Variants in CLMN observed in about 807,000 individuals in gnomAD.
The protein encoded by CLMN is calmin.
In CLMN, 57 loss-of-function variants were observed where a neutral mutation model predicts 92.7. The observed-to-expected ratio is 0.61, with a 90% CI of 0.50 to 0.77. The LOEUF is 0.77. CLMN is among the 30% of genes least tolerant of loss of function. The pLI is 0.00. For synonymous variants in CLMN, 466 were observed against 470.6 expected, an observed-to-expected ratio of 0.99 and a Z score of 0.13; for missense variants, 1,158 against 1,237.5, an observed-to-expected ratio of 0.94 and a Z score of 0.96.
At chr14:95,304,891 T>G (rs1056297935) in intron 1 of CLMN, among the ~76,000 whole-genome samples, 1 of 151,910 alleles carries the variant, frequency 6.6e-6, no homozygotes, top group African/African-American at 2.4e-5. Context: ...CTAAAGATAC[T>G]GGCATGGGGG....
At position 95,223,851 on chromosome 14, in the gene CLMN, T is replaced by G. The variant is rs758679603; in HGVS notation, c.149A>C (p.Asn50Thr). The G allele has an allele frequency of 7.1e-5, 115 of 1,610,422 alleles. No individual in the cohort carries two copies. Among genetic ancestry groups the G allele is most frequent in the Non-Finnish European group, 9.4e-5 (111 of 1,178,746 alleles). Reference protein sequence around the residue: ...RWINLHLEKCNPPLEVKDLFV... With the variant: ...RWINLHLEKCTPPLEVKDLFV... ...TAAATCTTTAACTTCTAGAGGTGGGTTGCACTTTGAAAGAGAAGGGAAGAA... is the reference window on the plus strand; with the variant it reads ...TAAATCTTTAACTTCTAGAGGTGGGGTGCACTTTGAAAGAGAAGGGAAGAA... The change falls in exon 3 of 13, where the codon AAC becomes ACC. Residue 50 changes from asparagine to threonine, a missense_variant. Asn to Thr is a moderately conservative substitution (Grantham distance 65). Coordinates refer to ENST00000298912, the MANE Select transcript of CLMN (RefSeq NM_024734.4).
intron 1 of CLMN, among the ~76,000 whole-genome samples, chr14:95,261,343 C>T (rs954878971): frequency 2.0e-5 from 3 of 152,232 alleles, no homozygotes; most frequent in Non-Finnish European, 4.4e-5. Flanking sequence ...TGCCGCTTTG[C>T]GCACCTCCGT....
At chr14:95,210,645 T>C (rs1897169783) in intron 7 of CLMN, 41 bp downstream of exon 7, 1 of 1,568,228 alleles carries the variant, frequency 6.4e-7, no homozygotes, top group South Asian at 1.2e-5. Flanking sequence ...GGTACATTTG[T>C]AAAAAAAAAT....
intron 1 of CLMN, among the ~76,000 whole-genome samples, chr14:95,254,443 C>G (rs752362670): frequency 1.3e-5 from 2 of 152,202 alleles, no homozygotes; most frequent in Non-Finnish European, 2.9e-5. Flanking sequence ...ATTCATAAAG[C>G]TCTGCACCCA....
At chr14:95,273,769 C>G (rs1899808866) in intron 1 of CLMN, among the ~76,000 whole-genome samples, 1 of 152,198 alleles carries the variant, frequency 6.6e-6, no homozygotes, top group Non-Finnish European at 1.5e-5. Context: ...CCCTTCCGTG[C>G]CTGAGTGTCT....
intron 1 of CLMN, among the ~76,000 whole-genome samples, chr14:95,253,836 G>C (rs934074575): frequency 6.6e-6 from 1 of 151,958 alleles, no homozygotes; most frequent in South Asian, 2.1e-4. Context: ...GGATGGTCTC[G>C]ATCTCCTGAC....
chr14:95,226,832 G>A (rs2140627854), intron 2 of CLMN, among the ~76,000 whole-genome samples: 1 of 152,278 alleles, frequency 6.6e-6, no homozygotes, highest in Admixed American at 6.5e-5. Context: ...TCCTGCCTTG[G>A]CCTCCCAAAG....
Position 95,203,589 on chromosome 14 carries a change from T to C in CLMN, c.1760A>G (p.His587Arg), listed in dbSNP as rs1312616994. The C allele has an allele frequency of 6.2e-7, 1 of 1,614,184 alleles. No individual in the cohort carries two copies. The highest frequency in any genetic ancestry group is 2.2e-5 in the East Asian group (1 of 44,894). The change falls in exon 9 of 13, where the codon CAT (histidine) becomes CGT (arginine). Residue 587 changes from histidine (H) to arginine (R), a missense_variant. By Grantham distance (29) the His-to-Arg change is conservative. Coordinates refer to ENST00000298912, the MANE Select transcript of CLMN (RefSeq NM_024734.4). ...AGCATCCTCGTCAGGTTTTGTCTCATGAGGTGAAGGAACTTTGTTGAAAGC... is the reference window on the plus strand; with the variant it reads ...AGCATCCTCGTCAGGTTTTGTCTCACGAGGTGAAGGAACTTTGTTGAAAGC... Reference protein sequence around the residue: ...SQAFNKVPSPHETKPDEDAEA... With the variant: ...SQAFNKVPSPRETKPDEDAEA...
chr14:95,283,391 C>T (rs960820302), intron 1 of CLMN, among the ~76,000 whole-genome samples: 1 of 152,096 alleles, frequency 6.6e-6, no homozygotes, highest in African/African-American at 2.4e-5. Flanking sequence ...GAAAAATGAA[C>T]TAATACAGTA....
chr14:95,272,603 A>G (rs564104473), intron 1 of CLMN, among the ~76,000 whole-genome samples: 12 of 152,348 alleles, frequency 7.9e-5, no homozygotes, highest in African/African-American at 2.6e-4. Flanking sequence ...ATTTAGTACG[A>G]CAATACACCA....
chr14:95,241,197 C>T (rs1366954542), intron 1 of CLMN, among the ~76,000 whole-genome samples: 2 of 151,928 alleles, frequency 1.3e-5, no homozygotes, highest in Non-Finnish European at 2.9e-5. Flanking sequence ...TTTTTAAGTG[C>T]ATGGAAAGGC....
chr14:95,277,231 T>A (rs370380101), intron 1 of CLMN, among the ~76,000 whole-genome samples: 117 of 152,242 alleles, frequency 7.7e-4, no homozygotes, highest in Non-Finnish European at 1.1e-3. Context: ...CTTGTCTTTG[T>A]GTGTCACTCT....
chr14:95,290,657 C>A (rs186275920), intron 1 of CLMN, among the ~76,000 whole-genome samples: 24 of 152,316 alleles, frequency 1.6e-4, no homozygotes, highest in South Asian at 4.1e-4. Context: ...TTGAATTTAG[C>A]CCAGTGAGAC....
intron 1 of CLMN, among the ~76,000 whole-genome samples, chr14:95,245,724 G>A (rs866648602): frequency 3.5e-4 from 49 of 140,536 alleles, no homozygotes; most frequent in African/African-American, 1.2e-3. Context: ...GGATGGATAG[G>A]TGGATGGATA....
At chr14:95,280,247 T>C (rs925038072) in intron 1 of CLMN, among the ~76,000 whole-genome samples, 9 of 152,228 alleles carry the variant, frequency 5.9e-5, no homozygotes, top group Non-Finnish European at 1.2e-4. Flanking sequence ...AATATTACCT[T>C]ATGGTCAAAC....
chr14:95,210,923 A>G, intron 6 of CLMN, 44 bp from the exon 7 acceptor site: 1 of 1,481,420 alleles, frequency 6.8e-7, no homozygotes, highest in African/African-American at 1.5e-5. Context: ...TGGTTAGTAA[A>G]CAGACTCAAA....
Position 95,194,412 on chromosome 14 carries a change from T to G in CLMN, c.2769+124A>C. The G allele has an allele frequency of 6.4e-7, 1 of 1,553,096 alleles. No individual in the cohort carries two copies. The highest frequency in any genetic ancestry group is 8.7e-7 in the Non-Finnish European group (1 of 1,148,458). ...ATGATAAGGTTCCAATCTGCTTGTC[T>G]TCTATCCAAAAGTATAGCTGTTGCA... On this transcript the variant is annotated intron_variant, in intron 11 of 12. Transcript: ENST00000298912. The surrounding 1 kb of genome is among the most constrained non-coding windows in gnomAD (Gnocchi z 4.0).
intron 9 of CLMN, among the ~76,000 whole-genome samples, chr14:95,200,899 G>A (rs1470935366): frequency 6.6e-6 from 1 of 151,588 alleles, no homozygotes; most frequent in Admixed American, 6.6e-5. Context: ...ACAGGCTAGT[G>A]TTCACTAAGT....
intron 8 of CLMN, 99 bp downstream of exon 8, chr14:95,209,296 A>C: frequency 5.8e-6 from 6 of 1,040,596 alleles, no homozygotes; most frequent in Middle Eastern, 2.0e-4. Flanking sequence ...TTTGACTGCT[A>C]GTTACACAGA....
Sources: gnomAD v4.1 joint callset for allele counts (sites outside exome capture counted in the v4.1 genomes callset) on GRCh38, gnomAD v4.1.1 for gene constraint, Gnocchi (gnomAD v3.1) non-coding constraint, MANE v1.5 for transcripts, NCBI Gene and HGNC (gene_info 2026-07-23, HGNC 2026-07-21) for gene names.